The following MACROD2 variants were observed in gnomAD, a reference collection of about 807,000 sequenced individuals.
The protein encoded by MACROD2 is ADP-ribose glycohydrolase MACROD2.
MACROD2 carries 36 observed loss-of-function variants against 70.4 expected under a neutral mutation model. That is an observed-to-expected ratio of 0.51 (90% CI 0.39 to 0.68). The LOEUF (loss-of-function observed/expected upper bound fraction) is 0.68. MACROD2 is among the 30% of genes least tolerant of loss of function. The probability of loss-of-function intolerance (pLI) is 0.00; values close to 1 mark genes in which losing one functional copy is unlikely to be tolerated. For synonymous variants in MACROD2, 172 were observed against 178.8 expected (o/e 0.96, Z 0.30); for missense variants, 496 against 538.4 (o/e 0.92, Z 0.78).
At chr20:15,805,729 G>A (rs562159946) in intron 8 of MACROD2, among the ~76,000 whole-genome samples, 2 of 152,254 alleles carry the variant, frequency 1.3e-5, no homozygotes, top group Non-Finnish European at 1.5e-5. Flanking sequence ...GCCCACCTCG[G>A]CCTCCCAGAG....
intron 5 of MACROD2, among the ~76,000 whole-genome samples, chr20:14,981,723 T>C (rs1317686743): frequency 1.3e-5 from 2 of 152,132 alleles, no homozygotes; most frequent in African/African-American, 4.8e-5. Flanking sequence ...TCCACCATGA[T>C]TGTGAGGCCT....
chr20:15,746,299 T>G (rs1322465348), intron 8 of MACROD2, among the ~76,000 whole-genome samples: 1 of 152,042 alleles, frequency 6.6e-6, no homozygotes, highest in Admixed American at 6.6e-5. Context: ...TATTTTAATC[T>G]AATTTTCTAA....
intron 8 of MACROD2, among the ~76,000 whole-genome samples, chr20:15,776,287 C>T (rs1239271812): frequency 1.3e-5 from 2 of 152,250 alleles, no homozygotes; most frequent in East Asian, 3.9e-4. Context: ...TGACACTTCC[C>T]TTACTCCCTT....
chr20:15,456,560 CT>C (rs11478376), intron 7 of MACROD2, among the ~76,000 whole-genome samples: 58,525 of 151,886 alleles, frequency 0.39, 11,832 homozygotes, highest in East Asian at 0.72. Flanking sequence ...TTAAGTGCTT[CT>C]GGTGTGAACT....
intron 5 of MACROD2, among the ~76,000 whole-genome samples, chr20:14,779,271 A>G (rs139980738): frequency 1.3e-5 from 2 of 152,200 alleles, no homozygotes; most frequent in Non-Finnish European, 2.9e-5. Flanking sequence ...CATTCTCAAT[A>G]CTAGTCACGC....
At chr20:14,396,339 G>T (rs1486319467) in intron 3 of MACROD2, among the ~76,000 whole-genome samples, 2 of 152,122 alleles carry the variant, frequency 1.3e-5, no homozygotes, top group Non-Finnish European at 2.9e-5. Flanking sequence ...TTGTGGATTT[G>T]TGTATTTATT....
At position 14,923,146 on chromosome 20, in the gene MACROD2, A is replaced by G. The variant is rs200059188; in HGVS notation, c.418+238187A>G. ...CAATTTCTTCACTTGAATTCCTCCAACCTCGCTGGCTGTTTCTTCCCAATC... is the reference window on the plus strand; with the variant it reads ...CAATTTCTTCACTTGAATTCCTCCAGCCTCGCTGGCTGTTTCTTCCCAATC... On this transcript the variant is annotated intron_variant, in intron 5 of 17. Transcript: ENST00000684519. 9.9e-5 allele frequency among the ~76,000 whole-genome samples: 15 copies of G among 151,780 alleles called. 1 individual carries two copies. The East Asian group carries it at 2.9e-3, about 29-fold the overall frequency.
At chr20:15,944,526 G>T (rs1231393065) in intron 12 of MACROD2, among the ~76,000 whole-genome samples, 1 of 151,966 alleles carries the variant, frequency 6.6e-6, no homozygotes, top group Non-Finnish European at 1.5e-5. Flanking sequence ...TCATTTAATT[G>T]TGTATTCCAG....
intron 5 of MACROD2, among the ~76,000 whole-genome samples, chr20:14,703,432 T>A (rs1240935761): frequency 1.3e-5 from 2 of 152,208 alleles, no homozygotes; most frequent in Non-Finnish European, 2.9e-5. Context: ...CCATACTTCA[T>A]GAAGTCTCTA....
intron 8 of MACROD2, among the ~76,000 whole-genome samples, chr20:15,703,775 C>G (rs1191951698): frequency 2.0e-5 from 3 of 152,148 alleles, no homozygotes; most frequent in African/African-American, 4.8e-5. Flanking sequence ...AGTGAATGCA[C>G]CGTTGAGCTG....
At chr20:15,329,501 G>C (rs1600248830) in intron 6 of MACROD2, among the ~76,000 whole-genome samples, 1 of 152,044 alleles carries the variant, frequency 6.6e-6, no homozygotes, top group African/African-American at 2.4e-5. Flanking sequence ...ACTTAGGAAG[G>C]CAGAGGTGAG....
At chr20:14,624,301 G>A (rs1984006090) in intron 4 of MACROD2, among the ~76,000 whole-genome samples, 1 of 152,112 alleles carries the variant, frequency 6.6e-6, no homozygotes, top group Non-Finnish European at 1.5e-5. Context: ...AGCCTCTTTG[G>A]GTTCTGGAGG....
intron 4 of MACROD2, among the ~76,000 whole-genome samples, chr20:14,511,442 T>C (rs1020772561): frequency 3.0e-4 from 45 of 152,058 alleles, no homozygotes; most frequent in African/African-American, 1.1e-3. Flanking sequence ...AATTAAAAAA[T>C]ATATATGTGC....
chr20:14,671,454 C>T (rs1369996781), intron 4 of MACROD2, among the ~76,000 whole-genome samples: 1 of 151,960 alleles, frequency 6.6e-6, no homozygotes, highest in Non-Finnish European at 1.5e-5. Flanking sequence ...TTTGCTATTT[C>T]AAGTTCAGAA....
chr20:15,820,674 T>C (rs1325809525), intron 8 of MACROD2, among the ~76,000 whole-genome samples: 4 of 152,226 alleles, frequency 2.6e-5, no homozygotes, highest in Admixed American at 6.5e-5. Flanking sequence ...ATGTGTTCAC[T>C]GCTATCTTTT....
chr20:15,690,254 G>C (rs8125672), intron 8 of MACROD2, among the ~76,000 whole-genome samples: 13,176 of 152,214 alleles, frequency 0.087, 857 homozygotes, highest in East Asian at 0.21. Flanking sequence ...GTGGCAGATA[G>C]TTTTGTAGGT....
intron 6 of MACROD2, among the ~76,000 whole-genome samples, chr20:15,304,764 G>A (rs187138589): frequency 5.1e-4 from 77 of 152,138 alleles, no homozygotes; most frequent in African/African-American, 1.8e-3. Context: ...TTAGCCAATC[G>A]GGTCTAGCTT....
At chr20:14,916,189 G>C (rs1253986881) in intron 5 of MACROD2, among the ~76,000 whole-genome samples, 1 of 152,166 alleles carries the variant, frequency 6.6e-6, no homozygotes, top group Non-Finnish European at 1.5e-5. Context: ...GAAACGCAGA[G>C]CTGTTAATTC....
At chr20:15,405,353 G>A (rs1483575117) in intron 6 of MACROD2, among the ~76,000 whole-genome samples, 2 of 152,082 alleles carry the variant, frequency 1.3e-5, no homozygotes, top group African/African-American at 4.8e-5. Flanking sequence ...TGCTAAGTTT[G>A]GAGGAGGTCA....
Sources: gnomAD v4.1 joint callset for allele counts (sites outside exome capture counted in the v4.1 genomes callset) on GRCh38, gnomAD v4.1.1 for gene constraint, MANE v1.5 for transcripts, NCBI Gene and HGNC (gene_info 2026-07-23, HGNC 2026-07-21) for gene names.